DNAH8: variants seen among roughly 807,000 people sequenced by gnomAD.
The protein encoded by DNAH8 is dynein axonemal heavy chain 8.
Under a neutral mutation model 562.1 loss-of-function variants are expected in DNAH8, and 382 were observed. The observed-to-expected ratio is 0.68, with a 90% CI of 0.63 to 0.74. The LOEUF is 0.74. Among genes scored for constraint, DNAH8 ranks in the 30% least tolerant of loss-of-function variants. The pLI is 0.00. For synonymous variants in DNAH8, 1,881 were observed against 1,919.4 expected (o/e 0.98, Z 0.52); for missense variants, 5,203 against 5,620.4 (o/e 0.93, Z 2.37).
intron 12 of DNAH8, among the ~76,000 whole-genome samples, chr6:38,774,182 C>G (rs911306153): frequency 2.0e-5 from 3 of 152,144 alleles, no homozygotes; most frequent in African/African-American, 7.2e-5. Flanking sequence ...AGAGCTCTAT[C>G]TTCAGTTTTG....
At chr6:38,879,003 G>A (rs9380797) in intron 53 of DNAH8, among the ~76,000 whole-genome samples, 65,879 of 151,734 alleles carry the variant, frequency 0.43, 15,213 homozygotes, top group East Asian at 0.84. Context: ...ATATACAATT[G>A]TAAATTGTCA....
chr6:38,816,570 G>C (rs1484193143), intron 26 of DNAH8, among the ~76,000 whole-genome samples: 1 of 127,162 alleles, frequency 7.9e-6, no homozygotes, highest in Non-Finnish European at 1.6e-5. Flanking sequence ...CCTTATAATA[G>C]AATGATTTAT....
Position 38,931,813 on chromosome 6 carries a change from G to A in DNAH8, c.11277G>A (p.Val3759=). ...ATTTTATATGTGAATTTATGTAGGT[G>A]AAAGTCGGTGATAAGGAATGTGATA... ...NFIKSGTTFK[V]KVGDKECDIM... Residue 3759 remains valine (V), a splice_region_variant and synonymous_variant, in exon 76 of 93, where the codon GTG becomes GTA. Transcript: ENST00000327475. 2 of 1,547,212 alleles carry A rather than the reference G, an allele frequency of 1.3e-6. No homozygotes were observed. Among genetic ancestry groups the A allele is most frequent in the South Asian group, 2.5e-5 (2 of 79,166 alleles).
At chr6:38,769,507 A>T (rs1767351307) in intron 11 of DNAH8, among the ~76,000 whole-genome samples, 1 of 152,174 alleles carries the variant, frequency 6.6e-6, no homozygotes, top group African/African-American at 2.4e-5. Flanking sequence ...TATTTATAGG[A>T]ATCACTATAG....
At chr6:38,900,016 CTT>C in intron 62 of DNAH8, 110 bp downstream of exon 62, 1 of 959,778 alleles carries the variant, frequency 1.0e-6, no homozygotes, top group Non-Finnish European at 1.5e-6. Flanking sequence ...TTAAGGTAAA[CTT>C]TAAGTATTAT....
In DNAH8 at chr6:38,832,264, A is replaced by G. The variant is rs1454028961; in HGVS notation, c.4189-58A>G. 4 of 1,051,122 alleles carry G rather than the reference A, an allele frequency of 3.8e-6. No individual in the cohort carries two copies. In the Admixed American group the frequency reaches 7.4e-5, roughly 19 times the overall value. 65.1% of individuals were successfully genotyped at this position (1,051,122 alleles called of 1,614,324 possible). ...ATACACTTGTTGGAATAGAATTGTA[A>G]TTTTTGTTTTTAATATGTTACTTTC... On this transcript the variant is annotated intron_variant, in intron 30 of 92. Coordinates refer to ENST00000327475, the MANE Select transcript of DNAH8 (RefSeq NM_001206927.2).
chr6:38,754,924 G>A (rs949123663), intron 9 of DNAH8, among the ~76,000 whole-genome samples: 3 of 151,930 alleles, frequency 2.0e-5, no homozygotes, highest in African/African-American at 7.3e-5. Flanking sequence ...CTCTCCTTGA[G>A]GGTGTTTTTT....
At chr6:38,932,361 G>C (rs546775165) in intron 76 of DNAH8, among the ~76,000 whole-genome samples, 4 of 152,176 alleles carry the variant, frequency 2.6e-5, no homozygotes, top group African/African-American at 9.6e-5. Context: ...TCTTTCCACT[G>C]TAGTAGTTTC....
In DNAH8 at chr6:38,873,045, G is replaced by C. The variant is rs780317776; in HGVS notation, c.7377G>C (p.Leu2459=). ...RIPMAPSCKL[L]FEVHNIENAS... ...CCATGGCCCCTAGTTGTAAGCTTCTGTTTGAAGTCCACAATATCGAGAACG... is the reference window on the plus strand; with the variant it reads ...CCATGGCCCCTAGTTGTAAGCTTCTCTTTGAAGTCCACAATATCGAGAACG... Residue 2459 remains leucine (L), a synonymous_variant, in exon 51 of 93, where the codon CTG becomes CTC. Transcript: ENST00000327475. 1 of 1,614,108 alleles carries C rather than the reference G, an allele frequency of 6.2e-7. No individual in the cohort carries two copies. Among genetic ancestry groups the C allele is most frequent in the Non-Finnish European group, 8.5e-7 (1 of 1,180,010 alleles).
intron 11 of DNAH8, among the ~76,000 whole-genome samples, chr6:38,770,168 T>C (rs924693297): frequency 4.0e-5 from 6 of 148,644 alleles, no homozygotes; most frequent in African/African-American, 1.5e-4. Context: ...GGAGTTCTAA[T>C]TGTCATGAAA....
chr6:38,865,079 C>T (rs1184090597), intron 45 of DNAH8, among the ~76,000 whole-genome samples: 3 of 152,112 alleles, frequency 2.0e-5, no homozygotes, highest in Admixed American at 1.3e-4. Flanking sequence ...GATAGGAAAC[C>T]AAAGGCATGA....
chr6:38,872,605 G>C lies in DNAH8; in HGVS notation c.7060G>C (p.Val2354Leu). The stretch of plus-strand genomic sequence containing the variant: ...GCCCAGTGGTTCTGGAAAGACAACC[G>C]TTATCACGATTCTAATGAAGGCGCA... ...LGPSGSGKTT[V>L]ITILMKAQTE... The change falls in exon 50 of 93, where the codon GTT (valine) becomes CTT (leucine). Residue 2354 changes from valine (V) to leucine (L), a missense_variant. Val to Leu is a conservative substitution (Grantham distance 32, BLOSUM62 1). Around this residue, in one of 6 missense-constraint regions of DNAH8, gnomAD observed 2,176 missense variants for 2,365.1 expected, o/e 0.92. Coordinates refer to ENST00000327475, the MANE Select transcript of DNAH8 (RefSeq NM_001206927.2). 6.2e-7 allele frequency: 1 copy of C among 1,614,058 alleles called. No homozygotes were observed. Among genetic ancestry groups the C allele is most frequent in the Middle Eastern group, 1.6e-4 (1 of 6,062 alleles).
chr6:38,906,123 G>T (rs1250501393), intron 62 of DNAH8, 131 bp from the exon 63 acceptor site: 8 of 458,648 alleles, frequency 1.7e-5, no homozygotes, highest in Non-Finnish European at 3.1e-5. Flanking sequence ...TGGTCAGGAT[G>T]GTCTCGATCT....
chr6:38,717,983 G>A (rs1762472777), intron 1 of DNAH8, among the ~76,000 whole-genome samples: 1 of 152,164 alleles, frequency 6.6e-6, no homozygotes, highest in African/African-American at 2.4e-5. Flanking sequence ...TATGCGAGTG[G>A]TGTTATTATG....
chr6:38,807,492 G>C, intron 23 of DNAH8, 118 bp from the exon 24 acceptor site: 1 of 432,090 alleles, frequency 2.3e-6, no homozygotes, highest in South Asian at 1.0e-4. Flanking sequence ...CATTGAAATT[G>C]TATAGTTTAT....
At chr6:38,873,789 C>A (rs185772213) in intron 52 of DNAH8, among the ~76,000 whole-genome samples, 1 of 149,652 alleles carries the variant, frequency 6.7e-6, no homozygotes, top group South Asian at 2.1e-4. Flanking sequence ...CCAGCTGGGG[C>A]GACAGAGTGA....
In DNAH8 at chr6:38,894,858, C is replaced by A; in HGVS notation, c.8741C>A (p.Ala2914Glu). Reference sequence around the variant, plus strand: ...AAACACGAGTGCAGCAGAGTAATTGCAGACAGGTGCGTGTTGCGGCACTAG... The same window carrying A: ...AAACACGAGTGCAGCAGAGTAATTGAAGACAGGTGCGTGTTGCGGCACTAG... The part of the protein sequence containing the change: ...LFKHECSRVI[A>E]DRFITPEDEQ... Residue 2914 changes from alanine (A) to glutamate (E), a missense_variant, in exon 59 of 93, where the codon GCA becomes GAA. Transcript: ENST00000327475. 6.2e-7 allele frequency: 1 copy of A among 1,613,360 alleles called. No homozygotes were observed. Among genetic ancestry groups the A allele is most frequent in the Non-Finnish European group, 8.5e-7 (1 of 1,179,756 alleles).
At chr6:38,995,276 G>A (rs905101807) in intron 88 of DNAH8, among the ~76,000 whole-genome samples, 1 of 152,036 alleles carries the variant, frequency 6.6e-6, no homozygotes, top group African/African-American at 2.4e-5. Context: ...CACTGGGTTC[G>A]GAGGTATTAT....
At position 38,837,985 on chromosome 6, in the gene DNAH8, C is replaced by T; in HGVS notation, c.4409C>T (p.Ser1470Phe). 6.2e-7 allele frequency: 1 copy of T among 1,613,356 alleles called. No individual in the cohort carries two copies. The change falls in exon 33 of 93, where the codon TCT becomes TTT. Residue 1470 changes from serine (S) to phenylalanine (F), a missense_variant. Transcript: ENST00000327475. ...TGGAGGAAATTTGTTACGTATTCAT[C>T]TGGTGAACAACTTTTTGGATTGCCT... is the stretch of plus-strand genomic sequence containing the variant. ...DLWRKFVTYS[S>F]GEQLFGLPVT...
Sources: allele counts gnomAD v4.1 joint callset (sites outside exome capture counted in the v4.1 genomes callset), GRCh38; gene constraint gnomAD v4.1.1; regional missense constraint gnomAD v4.1.1; transcripts MANE v1.5; gene names NCBI Gene and HGNC (gene_info 2026-07-23, HGNC 2026-07-21).